EPB41L5: variants seen among roughly 807,000 people sequenced by gnomAD.
EPB41L5 encodes erythrocyte membrane protein band 4.1 like 5.
A neutral mutation model predicts 106.6 loss-of-function variants in EPB41L5; 55 were observed. The observed-to-expected ratio is 0.52, with a 90% CI of 0.42 to 0.65. EPB41L5 has a LOEUF of 0.65. Ranked by LOEUF, EPB41L5 falls within the 30% of genes least tolerant of loss-of-function variation. The probability of loss-of-function intolerance (pLI) is 0.00; values close to 1 mark genes in which losing one functional copy is unlikely to be tolerated. For synonymous variants in EPB41L5, 297 were observed against 306.7 expected (o/e 0.97, Z 0.33); for missense variants, 871 against 882.1 (o/e 0.99, Z 0.16).
chr2:120,044,005 G>A (rs1010597804), intron 3 of EPB41L5, among the ~76,000 whole-genome samples: 18 of 151,700 alleles, frequency 1.2e-4, no homozygotes, highest in African/African-American at 4.1e-4. Flanking sequence ...AATTAGCTAG[G>A]CATGGTGGTG....
Position 120,096,729 on chromosome 2 carries a change from G to A in EPB41L5, c.1178+3453G>A, listed in dbSNP as rs559825283. Among the ~76,000 whole-genome samples, 75 of 152,316 alleles carry A rather than the reference G, an allele frequency of 4.9e-4. No homozygotes were observed. The Middle Eastern group carries it at 0.01, about 21-fold the overall frequency. On this transcript the variant is annotated intron_variant, in intron 14 of 24. Transcript: ENST00000263713. ...TGCTTTAACCCTGGAGTCGGAGGTTGCACTGAGCCGAGACTGCGCCACTGC... is the reference window on the plus strand; with the variant it reads ...TGCTTTAACCCTGGAGTCGGAGGTTACACTGAGCCGAGACTGCGCCACTGC...
intron 1 of EPB41L5, among the ~76,000 whole-genome samples, chr2:120,016,196 G>C (rs540852033): frequency 2.0e-5 from 3 of 152,094 alleles, no homozygotes; most frequent in African/African-American, 7.2e-5. Context: ...TTGGGAGGCC[G>C]AGGCGGGCGG....
At chr2:120,067,766 T>C (rs1297120765) in intron 3 of EPB41L5, among the ~76,000 whole-genome samples, 1 of 152,198 alleles carries the variant, frequency 6.6e-6, no homozygotes, top group African/African-American at 2.4e-5. Flanking sequence ...TGGGGGACAT[T>C]GTTTCACCTA....
rs1034536112 is a variant in EPB41L5, at chr2:120,175,134, T to C, written c.*227T>C. The C allele has an allele frequency of 2.0e-6, 1 of 509,468 alleles. No individual in the cohort carries two copies. Among genetic ancestry groups the C allele is most frequent in the Admixed American group, 3.1e-5 (1 of 32,330 alleles). The allele number at this position is 509,468 out of a possible 1,614,324, so 31.6% of individuals were successfully genotyped here. A position where few individuals can be genotyped will look rare whatever the true frequency, so the allele number is the denominator to read the frequency against. ...AGAGTGTTTGGTCTTGAACTTTCTA[T>C]ACTTTTATAAATGTTACAAATTCCC... On this transcript the variant is annotated 3_prime_UTR_variant, in exon 25 of 25. Coordinates refer to ENST00000263713, the MANE Select transcript of EPB41L5 (RefSeq NM_020909.4).
In EPB41L5 at chr2:120,091,539, G is replaced by A. The variant is rs758161078; in HGVS notation, c.1044-16G>A. On this transcript the variant is annotated splice_polypyrimidine_tract_variant and intron_variant, in intron 12 of 24. Transcript: ENST00000263713. ...TAGACCTAAAATTTCCCTTACTTCT[G>A]TTATGCCTCATTTAGTGGGAAAACA... 2.1e-5 allele frequency: 34 copies of A among 1,596,346 alleles called. No homozygotes were observed. The highest frequency in any genetic ancestry group is 3.3e-4 in the Middle Eastern group (2 of 6,020).
chr2:120,137,393 C>A (rs1291043686), intron 18 of EPB41L5, among the ~76,000 whole-genome samples: 2 of 150,660 alleles, frequency 1.3e-5, no homozygotes, highest in South Asian at 2.1e-4. Flanking sequence ...AAATTGAAAC[C>A]AAAAAATACA....
chr2:120,050,323 T>C lies in EPB41L5; in HGVS notation c.285+8213T>C, dbSNP rs535295056. 2.2e-4 allele frequency among the ~76,000 whole-genome samples: 34 copies of C among 152,340 alleles called. No homozygotes were observed. The South Asian group carries it at 2.9e-3, about 13-fold the overall frequency. On this transcript the variant is annotated intron_variant, in intron 3 of 24. Coordinates refer to ENST00000263713, the MANE Select transcript of EPB41L5 (RefSeq NM_020909.4). ...CACCAATCAGACATAGATTTGGTCT[T>C]TTCATGTAGTCCCATATTTCTTGGA...
At chr2:120,117,750 T>C (rs1273111163) in intron 16 of EPB41L5, among the ~76,000 whole-genome samples, 2 of 152,314 alleles carry the variant, frequency 1.3e-5, no homozygotes, top group East Asian at 1.9e-4. Context: ...ATGATGAATA[T>C]GTTCCACGTA....
chr2:120,058,878 C>G (rs1397793331), intron 3 of EPB41L5, among the ~76,000 whole-genome samples: 1 of 152,062 alleles, frequency 6.6e-6, no homozygotes, highest in African/African-American at 2.4e-5. Context: ...ACCAGTTCTC[C>G]CCAAATTGAT....
intron 3 of EPB41L5, among the ~76,000 whole-genome samples, chr2:120,068,440 A>C (rs1229986490): frequency 1.3e-5 from 2 of 152,172 alleles, no homozygotes; most frequent in East Asian, 1.9e-4. Flanking sequence ...GGAGCCCAGC[A>C]AGCTAAGATC....
intron 16 of EPB41L5, among the ~76,000 whole-genome samples, chr2:120,127,390 C>G (rs74524729): frequency 6.6e-6 from 1 of 152,132 alleles, no homozygotes; most frequent in Non-Finnish European, 1.5e-5. Context: ...AATCCGCAGA[C>G]GCGCAAGTGC....
intron 10 of EPB41L5, among the ~76,000 whole-genome samples, chr2:120,082,234 T>C (rs962741126): frequency 2.6e-5 from 4 of 152,206 alleles, no homozygotes; most frequent in East Asian, 1.9e-4. Context: ...CAGTATGATA[T>C]TGGCTGTGGG....
Position 120,168,145 on chromosome 2 carries a change from G to C in EPB41L5, c.2135+138G>C. The stretch of plus-strand genomic sequence containing the variant: ...TTGAAATGGGGCAAATCTTTTTTCT[G>C]TTTGTTATTTAGTGTAGTGGCTTTT... On this transcript the variant is annotated intron_variant, in intron 24 of 24. Coordinates refer to ENST00000263713, the MANE Select transcript of EPB41L5 (RefSeq NM_020909.4). 3 of 1,038,694 alleles carry C rather than the reference G, an allele frequency of 2.9e-6. No homozygotes were observed. In the South Asian group the frequency reaches 6.0e-5, roughly 21 times the overall value. The allele number at this position is 1,038,694 out of a possible 1,614,324, so 64.3% of individuals were successfully genotyped here.
At chr2:120,061,368 G>A (rs1444879211) in intron 3 of EPB41L5, among the ~76,000 whole-genome samples, 8 of 149,608 alleles carry the variant, frequency 5.3e-5, no homozygotes, top group Non-Finnish European at 1.0e-4. Context: ...GACTACAGGC[G>A]CCCGCCACTA....
intron 24 of EPB41L5, among the ~76,000 whole-genome samples, chr2:120,169,389 T>C (rs965162110): frequency 6.6e-6 from 1 of 152,184 alleles, no homozygotes; most frequent in East Asian, 1.9e-4. Flanking sequence ...AATAAACTTA[T>C]AGAAGAAAAC....
chr2:120,111,095 T>C (rs1684711290), intron 16 of EPB41L5, among the ~76,000 whole-genome samples: 1 of 152,172 alleles, frequency 6.6e-6, no homozygotes, highest in Non-Finnish European at 1.5e-5. Flanking sequence ...TTCCACAAAT[T>C]TTCCAGGATC....
chr2:120,094,489 A>T lies in EPB41L5; in HGVS notation c.1178+1213A>T, dbSNP rs559082503. On this transcript the variant is annotated intron_variant, in intron 14 of 24. Coordinates refer to ENST00000263713, the MANE Select transcript of EPB41L5 (RefSeq NM_020909.4). ...GAGTTTTTTTTTTTCTTGCAAAAAAAAAAACTAGTCTAGCAAAAGGTTTGT... is the reference window on the plus strand; with the variant it reads ...GAGTTTTTTTTTTTCTTGCAAAAAATAAAACTAGTCTAGCAAAAGGTTTGT... 1.5e-4 allele frequency among the ~76,000 whole-genome samples: 23 copies of T among 151,234 alleles called. No individual in the cohort carries two copies. In the South Asian group the frequency reaches 4.8e-3, roughly 32 times the overall value.
intron 3 of EPB41L5, among the ~76,000 whole-genome samples, chr2:120,046,614 G>C (rs566132658): frequency 6.6e-6 from 1 of 151,832 alleles, no homozygotes; most frequent in African/African-American, 2.4e-5. Context: ...TAGGTTGCCT[G>C]TTCACTCTGA....
chr2:120,104,322 A>G, intron 16 of EPB41L5: 3 of 1,436,688 alleles, frequency 2.1e-6, no homozygotes, highest in Non-Finnish European at 1.8e-6. Context: ...AGGATTAATC[A>G]CATTAGGAGT....
Sources: gnomAD v4.1 joint callset for allele counts (sites outside exome capture counted in the v4.1 genomes callset) on GRCh38, gnomAD v4.1.1 for gene constraint, MANE v1.5 for transcripts, NCBI Gene and HGNC (gene_info 2026-07-23, HGNC 2026-07-21) for gene names.